Variants in TTC6 observed in about 807,000 individuals in gnomAD.
TTC6 encodes the protein tetratricopeptide repeat domain 6.
Under a neutral mutation model 210.4 loss-of-function variants are expected in TTC6, and 172 were observed. The ratio of observed to expected loss-of-function variants is 0.82; its 90% confidence interval spans 0.72 to 0.93. TTC6 has a LOEUF of 0.93. TTC6 is among the 40% of genes least tolerant of loss of function. The probability of loss-of-function intolerance (pLI) is 0.00; values close to 1 mark genes in which losing one functional copy is unlikely to be tolerated. For synonymous variants in TTC6, 804 were observed against 819.6 expected, an observed-to-expected ratio of 0.98 and a Z score of 0.32; for missense variants, 2,414 against 2,318.1, an observed-to-expected ratio of 1.04 and a Z score of -0.85.
chr14:37,631,270 A>G (rs1944635175), intron 1 of TTC6, among the ~76,000 whole-genome samples: 1 of 152,098 alleles, frequency 6.6e-6, no homozygotes, highest in South Asian at 2.1e-4. Context: ...TTCCATACTA[A>G]GTGCTTCCTT....
intron 7 of TTC6, among the ~76,000 whole-genome samples, chr14:37,734,631 T>C (rs1486626414): frequency 3.3e-5 from 5 of 152,188 alleles, no homozygotes; most frequent in Admixed American, 3.3e-4. Flanking sequence ...GGAAACTGTT[T>C]CCATTTCTGT....
chr14:37,719,057 A>G (rs1438019603), intron 6 of TTC6, among the ~76,000 whole-genome samples: 1 of 152,220 alleles, frequency 6.6e-6, no homozygotes, highest in East Asian at 1.9e-4. Context: ...CTGTGTGTCT[A>G]CAGATGAACA....
At position 37,676,467 on chromosome 14, in the gene TTC6, C is replaced by T. The variant is rs144429150; in HGVS notation, c.940-3684C>T. On this transcript the variant is annotated intron_variant, in intron 1 of 30. Transcript: ENST00000553443. The stretch of plus-strand genomic sequence containing the variant: ...TCCTTATATATTCCTAATACTAGAC[C>T]CTTGTCAGGCAAATGATTTACAAAT... Among the ~76,000 whole-genome samples the T allele has an allele frequency of 2.0e-5, 3 of 151,928 alleles. No homozygotes were observed. In the East Asian group the frequency reaches 5.8e-4, roughly 29 times the overall value.
chr14:37,622,174 A>G (rs2095652124), exon 1 of TTC6: 1 of 1,535,584 alleles, frequency 6.5e-7, no homozygotes, highest in African/African-American at 1.4e-5. Flanking sequence ...CTCCGATTCA[A>G]GCAGAAGTTG....
At chr14:37,746,638 A>G (rs1053508005) in intron 10 of TTC6, among the ~76,000 whole-genome samples, 2 of 152,180 alleles carry the variant, frequency 1.3e-5, no homozygotes, top group Non-Finnish European at 2.9e-5. Context: ...CACCAACCCA[A>G]GGTCACCTCC....
At chr14:37,773,106 G>GT (rs1277984267) in intron 14 of TTC6, among the ~76,000 whole-genome samples, 5 of 152,056 alleles carry the variant, frequency 3.3e-5, no homozygotes, top group African/African-American at 9.6e-5. Context: ...TTGTGTGTGG[G>GT]TTTTTTTGTT....
At chr14:37,665,343 T>G (rs2095745815) in intron 1 of TTC6, among the ~76,000 whole-genome samples, 1 of 150,512 alleles carries the variant, frequency 6.6e-6, no homozygotes, top group African/African-American at 2.4e-5. Context: ...TCATCTCCTT[T>G]GCAGGGACAT....
intron 17 of TTC6, among the ~76,000 whole-genome samples, 151 bp downstream of exon 19, chr14:37,792,565 A>C (rs922139347): frequency 6.6e-6 from 1 of 152,090 alleles, no homozygotes; most frequent in African/African-American, 2.4e-5. Flanking sequence ...GTTAACTCTA[A>C]TTACTCATTT....
At chr14:37,631,784 C>T (rs990053545) in intron 1 of TTC6, among the ~76,000 whole-genome samples, 4 of 152,148 alleles carry the variant, frequency 2.6e-5, no homozygotes, top group African/African-American at 7.2e-5. Flanking sequence ...CACATAGTCC[C>T]GTATTTCTTG....
At chr14:37,823,929 C>T (rs367941818) in exon 27 of TTC6, 3 of 1,613,708 alleles carry the variant, frequency 1.9e-6, no homozygotes, top group African/African-American at 2.7e-5. Context: ...TACATAAAAG[C>T]CAGAATTAGT....
At chr14:37,656,514 C>CGTGT (rs35073797) in intron 1 of TTC6, among the ~76,000 whole-genome samples, 13 of 147,920 alleles carry the variant, frequency 8.8e-5, no homozygotes, top group East Asian at 2.0e-4. Context: ...TGTGTGTGTG[C>CGTGT]GTGTGTGTGT....
At chr14:37,764,588 C>A (rs917155176) in intron 14 of TTC6, among the ~76,000 whole-genome samples, 1 of 152,100 alleles carries the variant, frequency 6.6e-6, no homozygotes, top group Non-Finnish European at 1.5e-5. Flanking sequence ...CAAAGCTACT[C>A]CCACTCTCTT....
chr14:37,703,735 A>AGT (rs1458503486), intron 5 of TTC6, among the ~76,000 whole-genome samples: 2 of 152,180 alleles, frequency 1.3e-5, no homozygotes, highest in Non-Finnish European at 2.9e-5. Flanking sequence ...ACAGCGGTGT[A>AGT]GTGTTCAAAC....
At chr14:37,830,604 G>A (rs540598411) in intron 29 of TTC6, among the ~76,000 whole-genome samples, 1 of 151,608 alleles carries the variant, frequency 6.6e-6, no homozygotes, top group South Asian at 2.1e-4. Flanking sequence ...GACCTCATAA[G>A]TTAGATTTCC....
At chr14:37,800,851 C>T (rs375530495) in intron 20 of TTC6, among the ~76,000 whole-genome samples, 3 of 151,986 alleles carry the variant, frequency 2.0e-5, no homozygotes, top group Non-Finnish European at 2.9e-5. Context: ...GAGTACAAAA[C>T]GAAAGAAGGC....
chr14:37,815,580 T>A (rs1009161697), intron 25 of TTC6, among the ~76,000 whole-genome samples: 1 of 151,760 alleles, frequency 6.6e-6, no homozygotes, highest in African/African-American at 2.4e-5. Flanking sequence ...GAGATGGAGA[T>A]TGAGATTGAG....
intron 16 of TTC6, among the ~76,000 whole-genome samples, chr14:37,791,612 G>C (rs2096079542): frequency 6.6e-6 from 1 of 152,088 alleles, no homozygotes; most frequent in South Asian, 2.1e-4. Flanking sequence ...GAAAGAAAAA[G>C]AAAAGAGTGT....
chr14:37,842,322 A>C, exon 31 of TTC6: 1 of 1,525,996 alleles, frequency 6.6e-7, no homozygotes. Context: ...ATAGTAGTTT[A>C]CACAGCTGTT....
chr14:37,822,884 G>A (rs2096161237), intron 26 of TTC6, among the ~76,000 whole-genome samples: 1 of 152,114 alleles, frequency 6.6e-6, no homozygotes, highest in Non-Finnish European at 1.5e-5. Flanking sequence ...TGTGTAAAAT[G>A]TAGATAATTA....
Sources: allele counts gnomAD v4.1 joint callset (sites outside exome capture counted in the v4.1 genomes callset), GRCh38; gene constraint gnomAD v4.1.1; transcripts MANE v1.5; gene names NCBI Gene and HGNC (gene_info 2026-07-23, HGNC 2026-07-21).